Variants in PPP1R21 observed in about 807,000 individuals in gnomAD.
PPP1R21 encodes protein phosphatase 1 regulatory subunit 21, also known as KLRAQ motif containing 1.
In PPP1R21, 85 loss-of-function variants were observed where a neutral mutation model predicts 112.8. The observed-to-expected ratio is 0.75, with a 90% CI of 0.63 to 0.90. PPP1R21 has a LOEUF of 0.90. Among genes scored for constraint, PPP1R21 ranks in the 40% least tolerant of loss-of-function variants. The pLI is 0.00. For synonymous variants in PPP1R21, 381 were observed against 322.3 expected (o/e 1.18, Z -1.95); for missense variants, 1,199 against 901.5 (o/e 1.33, Z -4.23).
chr2:48,453,432 G>C (rs1032834765), intron 2 of PPP1R21, among the ~76,000 whole-genome samples: 2 of 151,820 alleles, frequency 1.3e-5, no homozygotes, highest in East Asian at 3.9e-4. Context: ...GGCTTAAGCA[G>C]TCCTCCTGTC....
In PPP1R21 at chr2:48,486,695, G is replaced by A. The variant is rs777888161; in HGVS notation, c.1383G>A (p.Lys461=). The A allele has an allele frequency of 5.6e-6, 9 of 1,613,762 alleles. No homozygotes were observed. Among genetic ancestry groups the A allele is most frequent in the Admixed American group, 1.7e-5 (1 of 60,010 alleles). Residue 461 remains lysine, a synonymous_variant, in exon 14 of 22, where the codon AAG becomes AAA. Coordinates refer to ENST00000294952, the MANE Select transcript of PPP1R21 (RefSeq NM_001135629.3). ...IEHELPTATQ[K]LITTNDCILS... ...ATGAACTTCCAACAGCAACACAGAA[G>A]CTGATAACAACTAATGACTGTATCC... is the stretch of plus-strand genomic sequence containing the variant.
intron 4 of PPP1R21, 139 bp from the exon 5 acceptor site, chr2:48,459,615 A>AG: frequency 1.2e-6 from 1 of 827,294 alleles, no homozygotes; most frequent in Non-Finnish European, 1.8e-6. Context: ...GGATTTAATG[A>AG]GATAATGCCT....
At chr2:48,464,890 G>T (rs199924182) in intron 7 of PPP1R21, 47 bp from the exon 8 acceptor site, 54 of 1,420,768 alleles carry the variant, frequency 3.8e-5, no homozygotes, top group East Asian at 2.7e-4. Flanking sequence ...TTATTTTCCA[G>T]TATATGTGAA....
rs1670560125 is a variant in PPP1R21 at position 48,510,005 on chromosome 2, G to A, written c.2086-10G>A. The A allele has an allele frequency of 6.3e-7, 1 of 1,579,028 alleles. No homozygotes were observed. Among genetic ancestry groups the A allele is most frequent in the Non-Finnish European group, 8.6e-7 (1 of 1,161,442 alleles). ...TCCCTCTAGTAATGGAATGTTTTCTGATTTTACAGTGCCGAGCACTGTCTA... is the reference window on the plus strand; with the variant it reads ...TCCCTCTAGTAATGGAATGTTTTCTAATTTTACAGTGCCGAGCACTGTCTA... On this transcript the variant is annotated splice_polypyrimidine_tract_variant and intron_variant, in intron 19 of 21. Coordinates refer to ENST00000294952, the MANE Select transcript of PPP1R21 (RefSeq NM_001135629.3).
At chr2:48,467,849 G>A (rs778313778) in intron 9 of PPP1R21, among the ~76,000 whole-genome samples, 16 of 152,208 alleles carry the variant, frequency 1.1e-4, no homozygotes, top group Non-Finnish European at 1.9e-4. Flanking sequence ...CTCTCACAGG[G>A]TGGAAATTGA....
chr2:48,454,358 T>C (rs1667617490), intron 2 of PPP1R21, among the ~76,000 whole-genome samples: 1 of 152,238 alleles, frequency 6.6e-6, no homozygotes, highest in Non-Finnish European at 1.5e-5. Context: ...TGTTAGTTGA[T>C]CACGATCTGT....
chr2:48,474,555 A>G (rs1668664960), intron 11 of PPP1R21, 128 bp from the exon 12 acceptor site: 2 of 792,228 alleles, frequency 2.5e-6, no homozygotes, highest in South Asian at 1.8e-5. Context: ...AGCCATGCAA[A>G]TGAGATCAAA....
chr2:48,452,076 A>G (rs2103761682), intron 2 of PPP1R21, among the ~76,000 whole-genome samples: 1 of 152,360 alleles, frequency 6.6e-6, no homozygotes, highest in Non-Finnish European at 1.5e-5. Context: ...CTTTATAGTC[A>G]GGATTTATTA....
At chr2:48,494,828 C>T (rs1012618123) in intron 15 of PPP1R21, among the ~76,000 whole-genome samples, 2 of 152,132 alleles carry the variant, frequency 1.3e-5, no homozygotes, top group African/African-American at 4.8e-5. Flanking sequence ...AAGGAGCCTC[C>T]TGCCTCAGCC....
chr2:48,454,538 A>G, intron 2 of PPP1R21, 57 bp from the exon 3 acceptor site: 1 of 1,591,530 alleles, frequency 6.3e-7, no homozygotes, highest in African/African-American at 1.4e-5. Context: ...TTTTTAATAA[A>G]ATTTCTAAAC....
At chr2:48,485,250 C>T (rs1276160244) in intron 13 of PPP1R21, among the ~76,000 whole-genome samples, 2 of 151,854 alleles carry the variant, frequency 1.3e-5, no homozygotes, top group East Asian at 1.9e-4. Flanking sequence ...CCCAGTATTA[C>T]ACAATATGCC....
At chr2:48,507,607 T>A (rs898613383) in intron 19 of PPP1R21, among the ~76,000 whole-genome samples, 1 of 152,042 alleles carries the variant, frequency 6.6e-6, no homozygotes, top group African/African-American at 2.4e-5. Flanking sequence ...GATCTCATGA[T>A]CCGCTGGCCT....
intron 1 of PPP1R21, among the ~76,000 whole-genome samples, chr2:48,441,998 TAC>T (rs1667050999): frequency 6.6e-6 from 1 of 152,242 alleles, no homozygotes; most frequent in Non-Finnish European, 1.5e-5. Flanking sequence ...TGCCTAAACA[TAC>T]ACACTTAATT....
chr2:48,484,621 A>G (rs534110317), intron 13 of PPP1R21, among the ~76,000 whole-genome samples: 155 of 151,262 alleles, frequency 1.0e-3, no homozygotes, highest in South Asian at 1.7e-3. Flanking sequence ...GGTTTAAGCA[A>G]TTCTTATGCC....
At chr2:48,448,520 T>C (rs978633967) in intron 1 of PPP1R21, among the ~76,000 whole-genome samples, 7 of 152,208 alleles carry the variant, frequency 4.6e-5, no homozygotes, top group African/African-American at 1.7e-4. Flanking sequence ...CGTTAGGAGC[T>C]TCTAAATACC....
intron 2 of PPP1R21, 147 bp from the exon 3 acceptor site, chr2:48,454,448 T>G (rs1667621605): frequency 1.1e-6 from 1 of 886,904 alleles, no homozygotes; most frequent in African/African-American, 1.7e-5. Context: ...GCTAAAAACT[T>G]AAGAACTGAA....
At chr2:48,501,756 C>G (rs139019533) in intron 17 of PPP1R21, among the ~76,000 whole-genome samples, 256 of 151,938 alleles carry the variant, frequency 1.7e-3, no homozygotes, top group African/African-American at 6.0e-3. Context: ...CTGCAGTGAG[C>G]TATCATTGTG....
At chr2:48,494,935 G>T (rs1669755223) in intron 15 of PPP1R21, among the ~76,000 whole-genome samples, 1 of 152,104 alleles carries the variant, frequency 6.6e-6, no homozygotes, top group African/African-American at 2.4e-5. Flanking sequence ...TCGAACTCCT[G>T]ACCTCAAGCA....
In PPP1R21 at chr2:48,440,854, A is replaced by T; in HGVS notation, c.-100A>T. 1 of 787,112 alleles carries T rather than the reference A, an allele frequency of 1.3e-6. No homozygotes were observed. The highest frequency in any genetic ancestry group is 2.0e-6 in the Non-Finnish European group (1 of 491,186). The allele number at this position is 787,112 out of a possible 1,614,324, so 48.8% of individuals were successfully genotyped here. On this transcript the variant is annotated 5_prime_UTR_variant, in exon 1 of 22. Coordinates refer to ENST00000294952, the MANE Select transcript of PPP1R21 (RefSeq NM_001135629.3). ...CGGCGGCTGCGGTGGCCAAGCAGGC[A>T]GATACTGCCTGACCCGTTCCCGGGA... is the stretch of plus-strand genomic sequence containing the variant.
Sources: gnomAD v4.1 joint callset for allele counts (sites outside exome capture counted in the v4.1 genomes callset) on GRCh38, gnomAD v4.1.1 for gene constraint, MANE v1.5 for transcripts, NCBI Gene and HGNC (gene_info 2026-07-23, HGNC 2026-07-21) for gene names.